The following ATP10B variants were observed in gnomAD, a reference collection of about 807,000 sequenced individuals.
ATP10B encodes the protein ATPase phospholipid transporting 10B (putative), also known as phospholipid-transporting ATPase VB.
A neutral mutation model predicts 141.2 loss-of-function variants in ATP10B; 122 were observed. That is an observed-to-expected ratio of 0.86 (90% CI 0.75 to 1.00). ATP10B has a LOEUF of 1.00. ATP10B is among the 50% of genes least tolerant of loss of function. ATP10B has a pLI of 0.00. For synonymous variants in ATP10B, 685 were observed against 692.0 expected, an observed-to-expected ratio of 0.99 and a Z score of 0.16; for missense variants, 1,876 against 1,825.3, an observed-to-expected ratio of 1.03 and a Z score of -0.51.
At chr5:160,798,517 A>C (rs1456048065) in intron 1 of ATP10B, among the ~76,000 whole-genome samples, 1 of 152,092 alleles carries the variant, frequency 6.6e-6, no homozygotes, top group African/African-American at 2.4e-5. Flanking sequence ...CAATCTAAGG[A>C]ACACTGAGGG....
At chr5:160,609,780 G>C (rs1757607807) in intron 18 of ATP10B, among the ~76,000 whole-genome samples, 1 of 152,170 alleles carries the variant, frequency 6.6e-6, no homozygotes, top group South Asian at 2.1e-4. Context: ...AATATGCATA[G>C]AGCCCAGACG....
intron 13 of ATP10B, among the ~76,000 whole-genome samples, chr5:160,627,510 T>C (rs1257621031): frequency 2.6e-5 from 4 of 152,208 alleles, no homozygotes; most frequent in Non-Finnish European, 5.9e-5. Flanking sequence ...GGCCCTTCTG[T>C]TTGTTGTTGG....
chr5:160,919,802 G>A, the ATP10B span, among the ~76,000 whole-genome samples: 11 of 152,228 alleles, frequency 7.2e-5, no homozygotes, highest in East Asian at 2.1e-3. Context: ...GGTCGCTAAC[G>A]ACGGCGCCTT....
At chr5:160,775,317 G>A (rs1055239212) in intron 2 of ATP10B, among the ~76,000 whole-genome samples, 1 of 152,238 alleles carries the variant, frequency 6.6e-6, no homozygotes, top group Non-Finnish European at 1.5e-5. Context: ...ACTAAGCAGA[G>A]TGCAGGAAGG....
intron 7 of ATP10B, among the ~76,000 whole-genome samples, chr5:160,660,099 C>T (rs984024688): frequency 6.6e-5 from 10 of 152,040 alleles, no homozygotes; most frequent in Admixed American, 2.0e-4. Context: ...AAAAAGATTA[C>T]GTATTTAATG....
intron 2 of ATP10B, among the ~76,000 whole-genome samples, chr5:160,778,939 A>C (rs923163190): frequency 2.6e-5 from 4 of 152,190 alleles, no homozygotes; most frequent in African/African-American, 9.7e-5. Context: ...CATCACTTGC[A>C]AAAATGGGAT....
chr5:160,653,781 CATAT>C (rs200370400), intron 7 of ATP10B, among the ~76,000 whole-genome samples: 2,911 of 112,830 alleles, frequency 0.026, 228 homozygotes, highest in African/African-American at 0.11. Context: ...TACATATATA[CATAT>C]ATATTATATA....
chr5:160,905,184 A>G, the ATP10B span, among the ~76,000 whole-genome samples: 7 of 152,234 alleles, frequency 4.6e-5, no homozygotes, highest in Non-Finnish European at 7.3e-5. Context: ...AAACCAGCCT[A>G]ATGTCAGACA....
At chr5:160,686,321 G>T (rs752940585) in intron 5 of ATP10B, 48 bp from the exon 6 acceptor site, 5 of 1,357,908 alleles carry the variant, frequency 3.7e-6, no homozygotes, top group African/African-American at 2.9e-5. Flanking sequence ...GAAGAAAAAT[G>T]TACTTTCTCC....
intron 2 of ATP10B, among the ~76,000 whole-genome samples, chr5:160,756,831 A>G (rs1768656501): frequency 6.6e-6 from 1 of 152,166 alleles, no homozygotes; most frequent in South Asian, 2.1e-4. Flanking sequence ...AAGTTATAAG[A>G]GTTCTTTACA....
the ATP10B span, among the ~76,000 whole-genome samples, chr5:160,928,600 C>T: frequency 6.6e-5 from 10 of 152,286 alleles, no homozygotes; most frequent in Admixed American, 2.0e-4. Context: ...TAACACCTGC[C>T]TCATGGGCTT....
the ATP10B span, among the ~76,000 whole-genome samples, chr5:160,865,719 G>T: frequency 6.6e-6 from 1 of 151,096 alleles, no homozygotes; most frequent in African/African-American, 2.4e-5. Context: ...ACTCAAATCA[G>T]CAAGAAAAAA....
At chr5:160,589,507 C>A (rs1401592710) in intron 24 of ATP10B, 85 bp downstream of exon 24, 3 of 1,058,056 alleles carry the variant, frequency 2.8e-6, no homozygotes, top group Admixed American at 1.8e-5. Flanking sequence ...GGATTGATAA[C>A]ACAGAATGAA....
At chr5:160,805,904 G>T (rs1015194895) in intron 1 of ATP10B, among the ~76,000 whole-genome samples, 11 of 152,178 alleles carry the variant, frequency 7.2e-5, no homozygotes, top group African/African-American at 2.7e-4. Flanking sequence ...CCTGCAATCT[G>T]TCATCTGCAA....
At chr5:160,772,521 A>G (rs915103679) in intron 2 of ATP10B, among the ~76,000 whole-genome samples, 7 of 152,070 alleles carry the variant, frequency 4.6e-5, no homozygotes, top group Non-Finnish European at 8.8e-5. Flanking sequence ...TCTTCCAGGG[A>G]TGTGGGGGCA....
intron 1 of ATP10B, among the ~76,000 whole-genome samples, chr5:160,833,945 G>A (rs2090362158): frequency 6.6e-6 from 1 of 152,182 alleles, no homozygotes; most frequent in Middle Eastern, 3.4e-3. Context: ...TATAATATAT[G>A]CCCTGTGGTT....
intron 1 of ATP10B, among the ~76,000 whole-genome samples, chr5:160,796,463 C>A (rs1242651784): frequency 6.6e-6 from 1 of 152,182 alleles, no homozygotes; most frequent in East Asian, 1.9e-4. Flanking sequence ...TAAGCACTTT[C>A]TTTGTATTCT....
chr5:160,909,842 C>A, the ATP10B span, among the ~76,000 whole-genome samples: 1 of 152,184 alleles, frequency 6.6e-6, no homozygotes, highest in African/African-American at 2.4e-5. Flanking sequence ...TAGTTTCCAT[C>A]TCCAAGGCCT....
Position 160,707,140 on chromosome 5 carries a change from G to A in ATP10B, c.-205+9769C>T, listed in dbSNP as rs1488907748. Among the ~76,000 whole-genome samples, 44 of 152,090 alleles carry A rather than the reference G, an allele frequency of 2.9e-4. 1 individual carries two copies. In the East Asian group the frequency reaches 6.0e-3, roughly 21 times the overall value. ...TAATTTTTGTATTTTTAGTAGAGAT[G>A]GGGTTTCACCATGTTGGCCAGGCTG... On this transcript the variant is annotated intron_variant, in intron 3 of 25. Coordinates refer to ENST00000327245, the MANE Select transcript of ATP10B (RefSeq NM_025153.3).
Sources: gnomAD v4.1 joint callset for allele counts (sites outside exome capture counted in the v4.1 genomes callset) on GRCh38, gnomAD v4.1.1 for gene constraint, MANE v1.5 for transcripts, NCBI Gene and HGNC (gene_info 2026-07-23, HGNC 2026-07-21) for gene names.